Variants in RAB40A observed in about 807,000 individuals in gnomAD.
RAB40A encodes the protein ras-related protein Rab-40A.
For synonymous variants in RAB40A, 65 were observed against 99.9 expected, an observed-to-expected ratio of 0.65 and a Z score of 2.08; for missense variants, 145 against 230.2, an observed-to-expected ratio of 0.63 and a Z score of 2.40.
chrX:103,502,694 AG>A (rs2073234968), intron 2 of RAB40A: 10 of 763,858 alleles, frequency 1.3e-5, no homozygotes, highest in Non-Finnish European at 1.6e-5. Context: ...ATCTTCTAAA[AG>A]GGGGTGCTCA....
Position 103,499,634 on chromosome X carries a change from T to A in RAB40A, c.*289A>T, listed in dbSNP as rs894597059. On this transcript the variant is annotated 3_prime_UTR_variant, in exon 3 of 3. Transcript: ENST00000304236. ...AAAAAGTTGCAGCGTGATTATGATA[T>A]AAGTAACATTCAAAATTTCACGTTA... The A allele has an allele frequency of 3.7e-5, 15 of 401,706 alleles. No homozygotes were observed. Among genetic ancestry groups the A allele is most frequent in the Non-Finnish European group, 6.2e-5 (14 of 227,569 alleles). 33.1% of individuals were successfully genotyped at this position (401,706 alleles called of 1,213,427 possible).
In RAB40A at chrX:103,500,675, TCTTGCCTACGTCC is replaced by T. The variant is rs766940900; in HGVS notation, c.69_81del (p.Asp24ValfsTer36). ...TCCTGCAGGCTCTCCAGGATCTCAC[TCTTGCCTACGTCC>T]CTGTCGCCCACCAGCAGGAACTTGA... On this transcript the variant is annotated frameshift_variant, in exon 3 of 3. Coordinates refer to ENST00000304236, the MANE Select transcript of RAB40A (RefSeq NM_080879.3). LOFTEE classifies it low-confidence loss of function (END_TRUNC). The T allele has an allele frequency of 1.7e-6, 2 of 1,210,216 alleles. No homozygotes were observed. Among genetic ancestry groups the T allele is most frequent in the South Asian group, 3.5e-5 (2 of 56,822 alleles).
chrX:103,505,522 AG>A (rs888594426), intron 2 of RAB40A, among the ~76,000 whole-genome samples: 1 of 111,924 alleles, frequency 8.9e-6, no homozygotes, highest in Non-Finnish European at 1.9e-5. Flanking sequence ...GGGTTACTGT[AG>A]TATCTCATGA....
Position 103,500,250 on chromosome X carries a change from C to A in RAB40A, c.507G>T (p.Glu169Asp). The A allele has an allele frequency of 5.8e-6, 7 of 1,211,849 alleles. No homozygotes were observed. Among genetic ancestry groups the A allele is most frequent in the Non-Finnish European group, 7.8e-6 (7 of 895,519 alleles). Reference sequence around the variant, plus strand: ...GCCGCAGCAGCACTATCCTGGCCAGCTCCGTGAAAGACTCTATGATGTTGA... The same window carrying A: ...GCCGCAGCAGCACTATCCTGGCCAGATCCGTGAAAGACTCTATGATGTTGA... ...CNFNIIESFT[E>D]LARIVLLRHR... Residue 169 changes from glutamate to aspartate, a missense_variant, in exon 3 of 3, where the codon GAG becomes GAT. By Grantham distance (45) the Glu-to-Asp change is conservative (BLOSUM62 2). Coordinates refer to ENST00000304236, the MANE Select transcript of RAB40A (RefSeq NM_080879.3).
chrX:103,503,169 A>G (rs2073237506), intron 2 of RAB40A: 1 of 751,995 alleles, frequency 1.3e-6, no homozygotes, highest in Non-Finnish European at 1.6e-6. Context: ...AAAGAAAAAA[A>G]TTGATTGATA....
Position 103,499,437 on chromosome X carries a change from A to G in RAB40A, c.*486T>C, listed in dbSNP as rs1195294031. ...TCTGTTATATACAATCTCTATATGC[A>G]TCTGCAGTGTTTTATAAATTGGTGC... On this transcript the variant is annotated 3_prime_UTR_variant, in exon 3 of 3. Coordinates refer to ENST00000304236, the MANE Select transcript of RAB40A (RefSeq NM_080879.3). The G allele has an allele frequency of 5.4e-6, 1 of 184,458 alleles. No homozygotes were observed. The highest frequency in any genetic ancestry group is 1.6e-4 in the East Asian group (1 of 6,297). 15.2% of individuals were successfully genotyped at this position (184,458 alleles called of 1,213,427 possible).
intron 2 of RAB40A, among the ~76,000 whole-genome samples, chrX:103,517,077 C>T (rs1054120860): frequency 9.8e-5 from 11 of 111,793 alleles, no homozygotes; most frequent in Non-Finnish European, 2.1e-4. Context: ...ATGTCAACCA[C>T]TCTGTCCAAA....
chrX:103,506,078 A>C (rs2073253205), intron 2 of RAB40A, among the ~76,000 whole-genome samples: 1 of 111,739 alleles, frequency 8.9e-6, no homozygotes, highest in Non-Finnish European at 1.9e-5. Context: ...CTATCCTTAC[A>C]CCAATTCTAC....
chrX:103,505,081 T>C (rs1449206265), intron 2 of RAB40A, among the ~76,000 whole-genome samples: 1 of 112,223 alleles, frequency 8.9e-6, no homozygotes, highest in African/African-American at 3.2e-5. Flanking sequence ...GATTTGCCTG[T>C]TTACGAACTT....
intron 2 of RAB40A, among the ~76,000 whole-genome samples, chrX:103,510,336 C>A (rs757086776): frequency 4.5e-5 from 5 of 112,104 alleles, no homozygotes; most frequent in African/African-American, 9.7e-5. Context: ...TGTGAGGGAA[C>A]TACGAGCACC....
At chrX:103,511,579 C>G (rs1210909213) in intron 2 of RAB40A, among the ~76,000 whole-genome samples, 2 of 110,357 alleles carry the variant, frequency 1.8e-5, no homozygotes, top group African/African-American at 3.3e-5. Context: ...CCATCATTCT[C>G]AGCAAACTAA....
At chrX:103,514,697 A>G (rs994879480) in intron 2 of RAB40A, among the ~76,000 whole-genome samples, 1 of 111,891 alleles carries the variant, frequency 8.9e-6, no homozygotes, top group African/African-American at 3.3e-5. Context: ...TTTATTTCTT[A>G]ATATGAGTAT....
At chrX:103,508,488 G>T (rs990174859) in intron 2 of RAB40A, among the ~76,000 whole-genome samples, 7 of 111,935 alleles carry the variant, frequency 6.3e-5, no homozygotes, top group Non-Finnish European at 1.3e-4. Flanking sequence ...ATGACATGAA[G>T]TGGGACTTCA....
At chrX:103,498,287 G>A (rs1431277043), downstream of RAB40A, among the ~76,000 whole-genome samples, 2 of 112,001 alleles carry the variant, frequency 1.8e-5, no homozygotes, top group African/African-American at 3.2e-5. Context: ...AACTGTCTGC[G>A]GACTCGTTTC....
At chrX:103,510,321 T>C (rs1012300162) in intron 2 of RAB40A, among the ~76,000 whole-genome samples, 2 of 112,348 alleles carry the variant, frequency 1.8e-5, no homozygotes, top group Non-Finnish European at 3.8e-5. Context: ...CCACAGGATC[T>C]ACTTTGTGAG....
At chrX:103,509,852 C>CTGGA (rs1377060041) in intron 2 of RAB40A, among the ~76,000 whole-genome samples, 1 of 106,899 alleles carries the variant, frequency 9.4e-6, no homozygotes, top group Non-Finnish European at 1.9e-5. Flanking sequence ...ATCACCCAGG[C>CTGGA]TGGAGTATAG....
intron 2 of RAB40A, among the ~76,000 whole-genome samples, chrX:103,510,429 T>A (rs988500365): frequency 8.9e-6 from 1 of 112,472 alleles, no homozygotes; most frequent in Non-Finnish European, 1.9e-5. Flanking sequence ...TTATGGGCCA[T>A]TAGTATCTCT....
At chrX:103,510,697 T>C (rs1284018969) in intron 2 of RAB40A, among the ~76,000 whole-genome samples, 1 of 112,738 alleles carries the variant, frequency 8.9e-6, no homozygotes. Flanking sequence ...ATTTATTTCC[T>C]CTCCTAAGCT....
chrX:103,503,528 G>C, intron 2 of RAB40A: 1 of 745,269 alleles, frequency 1.3e-6, no homozygotes, highest in Non-Finnish European at 1.6e-6. Context: ...TTTTCAAACA[G>C]AACTGGCATC....
Sources: allele counts gnomAD v4.1 joint callset (sites outside exome capture counted in the v4.1 genomes callset), GRCh38; gene constraint gnomAD v4.1.1; transcripts MANE v1.5; gene names NCBI Gene and HGNC (gene_info 2026-07-23, HGNC 2026-07-21).